Variants in TOX observed in about 807,000 individuals in gnomAD.
TOX encodes thymocyte selection associated high mobility group box, also known as thymocyte selection-associated high mobility group box protein TOX.
TOX carries 11 observed loss-of-function variants against 53.7 expected under a neutral mutation model. The ratio of observed to expected loss-of-function variants is 0.20; its 90% CI spans 0.13 to 0.34. The LOEUF is 0.34. TOX is among the 10% of genes least tolerant of loss of function. TOX has a pLI of 1.00. For synonymous variants in TOX, 225 were observed against 245.3 expected (o/e 0.92, Z 0.77); for missense variants, 570 against 664.6 (o/e 0.86, Z 1.56).
At chr8:59,012,191 T>C (rs1301961059) in intron 1 of TOX, among the ~76,000 whole-genome samples, 1 of 152,130 alleles carries the variant, frequency 6.6e-6, no homozygotes, top group Non-Finnish European at 1.5e-5. Flanking sequence ...TTAATGGTGA[T>C]TTAAGCCAAT....
intron 2 of TOX, among the ~76,000 whole-genome samples, chr8:58,945,224 T>C (rs181198834): frequency 1.3e-5 from 2 of 152,302 alleles, no homozygotes; most frequent in Non-Finnish European, 2.9e-5. Flanking sequence ...AATGTCACTG[T>C]CTAAATTTGT....
intron 3 of TOX, among the ~76,000 whole-genome samples, chr8:58,908,292 C>A (rs777523358): frequency 6.6e-6 from 1 of 152,126 alleles, no homozygotes; most frequent in Non-Finnish European, 1.5e-5. Context: ...TTACACGTAA[C>A]CCAGCCCACA....
chr8:58,828,997 A>G (rs562556646), intron 5 of TOX, among the ~76,000 whole-genome samples: 29 of 152,270 alleles, frequency 1.9e-4, no homozygotes, highest in Middle Eastern at 3.4e-3. Flanking sequence ...CATTCAGCTA[A>G]CTAGGATGCG....
intron 5 of TOX, among the ~76,000 whole-genome samples, chr8:58,829,326 T>C (rs1490265720): frequency 6.6e-6 from 1 of 152,196 alleles, no homozygotes; most frequent in African/African-American, 2.4e-5. Flanking sequence ...ATCGATGTTG[T>C]TACGGGATAC....
chr8:58,826,967 A>G (rs1810376462), intron 5 of TOX, 65 bp from the exon 6 acceptor site: 1 of 1,269,838 alleles, frequency 7.9e-7, no homozygotes, highest in Admixed American at 2.1e-5. Flanking sequence ...GAGAAGTACA[A>G]TATAGAATGA....
At chr8:58,840,685 C>T (rs77771995) in intron 4 of TOX, among the ~76,000 whole-genome samples, 3,975 of 152,276 alleles carry the variant, frequency 0.026, 123 homozygotes, top group East Asian at 0.12. Context: ...CCCAAGGCTA[C>T]CTATGGCCAT....
rs547247424 is a variant in TOX, at chr8:58,986,449, T to C, written c.103-26441A>G. ...CAGTTCAAAGTAACTCTAAGCAACG[T>C]GGATCGAATAAACCTCCAGAGTCAG... On this transcript the variant is annotated intron_variant, in intron 1 of 8. Transcript: ENST00000361421. 2.6e-5 allele frequency among the ~76,000 whole-genome samples: 4 copies of C among 152,330 alleles called. No individual in the cohort carries two copies. The South Asian group carries it at 8.3e-4, about 32-fold the overall frequency.
intron 1 of TOX, among the ~76,000 whole-genome samples, chr8:58,973,030 G>T (rs1296992581): frequency 6.6e-6 from 1 of 152,132 alleles, no homozygotes; most frequent in African/African-American, 2.4e-5. Flanking sequence ...AAGTAAGACT[G>T]GGGTGGAAAC....
At chr8:58,842,581 T>C (rs1021127116) in intron 4 of TOX, among the ~76,000 whole-genome samples, 1 of 152,218 alleles carries the variant, frequency 6.6e-6, no homozygotes, top group Non-Finnish European at 1.5e-5. Context: ...TCATCATGCT[T>C]ATCTCCTTTT....
chr8:58,977,498 A>G (rs1813123628), intron 1 of TOX, among the ~76,000 whole-genome samples: 2 of 152,186 alleles, frequency 1.3e-5, no homozygotes, highest in Non-Finnish European at 2.9e-5. Flanking sequence ...AGCACTTTTA[A>G]TTTCCTTTAA....
intron 1 of TOX, among the ~76,000 whole-genome samples, chr8:59,017,945 GAGAA>G (rs1199167624): frequency 3.9e-5 from 6 of 152,268 alleles, no homozygotes; most frequent in African/African-American, 1.2e-4. Context: ...TAGTCAAAAA[GAGAA>G]AGAGAGAGTG....
At chr8:59,075,394 G>A (rs993594731) in intron 1 of TOX, among the ~76,000 whole-genome samples, 2 of 152,140 alleles carry the variant, frequency 1.3e-5, no homozygotes, top group Non-Finnish European at 2.9e-5. Flanking sequence ...TATACCCAGA[G>A]GAAAGGAATG....
At position 59,119,062 on chromosome 8, in the gene TOX, G is replaced by A; in HGVS notation, c.-75C>T. 1.0e-6 allele frequency: 1 copy of A among 983,644 alleles called. No homozygotes were observed. Among genetic ancestry groups the A allele is most frequent in the Non-Finnish European group, 1.6e-6 (1 of 639,424 alleles). The allele number at this position is 983,644 out of a possible 1,614,324, so 60.9% of individuals were successfully genotyped here. Reference sequence around the variant, plus strand: ...AGTGTTCAGCAAAACAAGCTTAGACGGAACAGAGTGAGGTGTCTGGGCTCA... The same window carrying A: ...AGTGTTCAGCAAAACAAGCTTAGACAGAACAGAGTGAGGTGTCTGGGCTCA... On this transcript the variant is annotated 5_prime_UTR_variant, in exon 1 of 9. Transcript: ENST00000361421.
intron 5 of TOX, among the ~76,000 whole-genome samples, chr8:58,835,308 A>G (rs1810527128): frequency 1.3e-5 from 2 of 152,192 alleles, no homozygotes; most frequent in African/African-American, 2.4e-5. Flanking sequence ...ATTTGCCATC[A>G]TATATATACA....
intron 1 of TOX, among the ~76,000 whole-genome samples, chr8:59,052,770 T>C (rs1243721530): frequency 6.6e-6 from 1 of 152,206 alleles, no homozygotes; most frequent in African/African-American, 2.4e-5. Flanking sequence ...AGACATTCCT[T>C]AGCATATTAA....
intron 6 of TOX, among the ~76,000 whole-genome samples, chr8:58,821,473 C>T (rs749018425): frequency 3.3e-5 from 5 of 151,266 alleles, no homozygotes; most frequent in Non-Finnish European, 5.9e-5. Context: ...TGAGATCTAC[C>T]ATCTTCACAA....
rs1158529385 is a variant in TOX, at chr8:58,940,669, G to T, written c.169-1125C>A. On this transcript the variant is annotated intron_variant, in intron 2 of 8. Transcript: ENST00000361421. ...AAGGATTCCCTTGTCTAACAGCCCA[G>T]TGCCTGCTCAAGTGTGCAAGATTTG... Among the ~76,000 whole-genome samples, 4 of 152,162 alleles carry T rather than the reference G, an allele frequency of 2.6e-5. No homozygotes were observed. In the East Asian group the frequency reaches 7.7e-4, roughly 29 times the overall value.
chr8:59,069,173 A>C (rs1271632796), intron 1 of TOX, among the ~76,000 whole-genome samples: 1 of 152,164 alleles, frequency 6.6e-6, no homozygotes, highest in Non-Finnish European at 1.5e-5. Flanking sequence ...GACCTATGCG[A>C]GGGGAAGTGT....
intron 1 of TOX, among the ~76,000 whole-genome samples, chr8:59,021,519 G>GAT (rs1814136353): frequency 8.4e-6 from 1 of 118,774 alleles, no homozygotes; most frequent in African/African-American, 3.0e-5. Context: ...TACAATGTCA[G>GAT]ATATATATAG....
Sources: gnomAD v4.1 joint callset for allele counts (sites outside exome capture counted in the v4.1 genomes callset) on GRCh38, gnomAD v4.1.1 for gene constraint, MANE v1.5 for transcripts, NCBI Gene and HGNC (gene_info 2026-07-23, HGNC 2026-07-21) for gene names.